The following RPA1 variants were observed in gnomAD, a reference collection of about 807,000 sequenced individuals.
RPA1 encodes the protein replication protein A1.
In RPA1, 49 loss-of-function variants were observed where a neutral mutation model predicts 83.0. The ratio of observed to expected loss-of-function variants is 0.59; its 90% CI spans 0.47 to 0.75. The LOEUF (loss-of-function observed/expected upper bound fraction) is 0.75, where lower values mean the gene tolerates loss of function less well. RPA1 is among the 30% of genes least tolerant of loss of function. The pLI is 0.00. For synonymous variants in RPA1, 279 were observed against 281.8 expected, an observed-to-expected ratio of 0.99 and a Z score of 0.10; for missense variants, 693 against 776.1, an observed-to-expected ratio of 0.89 and a Z score of 1.27.
chr17:1,875,876 A>C, intron 7 of RPA1, 83 bp downstream of exon 7: 2 of 1,383,298 alleles, frequency 1.4e-6, no homozygotes, highest in South Asian at 3.3e-5. Flanking sequence ...TTTATGCGTG[A>C]ACTTCAGGGT....
intron 15 of RPA1, among the ~76,000 whole-genome samples, chr17:1,894,317 C>T (rs1237200880): frequency 1.3e-5 from 2 of 152,072 alleles, no homozygotes; most frequent in Non-Finnish European, 2.9e-5. Flanking sequence ...CAGGCACCTG[C>T]CACTATGCCC....
At chr17:1,882,339 C>T (rs1318021922) in intron 12 of RPA1, among the ~76,000 whole-genome samples, 1 of 151,968 alleles carries the variant, frequency 6.6e-6, no homozygotes, top group Non-Finnish European at 1.5e-5. Context: ...AAGATAATGC[C>T]TTCTGATAAG....
chr17:1,835,879 T>C (rs529817557), intron 1 of RPA1, among the ~76,000 whole-genome samples: 1 of 152,118 alleles, frequency 6.6e-6, no homozygotes, highest in African/African-American at 2.4e-5. Context: ...TCTCAGCACT[T>C]GGGGAGGCTA....
intron 5 of RPA1, among the ~76,000 whole-genome samples, chr17:1,856,845 C>T (rs1422137671): frequency 6.6e-6 from 1 of 151,654 alleles, no homozygotes; most frequent in Non-Finnish European, 1.5e-5. Context: ...ATATATGTTT[C>T]CTTGTTATCC....
chr17:1,850,761 G>A (rs181731021), intron 4 of RPA1, among the ~76,000 whole-genome samples: 368 of 151,482 alleles, frequency 2.4e-3, no homozygotes, highest in Middle Eastern at 0.014. Context: ...GTGTGGTGGC[G>A]GGTGCCTGTA....
At chr17:1,872,706 GT>G (rs1913418959) in intron 6 of RPA1, among the ~76,000 whole-genome samples, 180 bp downstream of exon 6, 3 of 126,544 alleles carry the variant, frequency 2.4e-5, no homozygotes, top group Admixed American at 8.8e-5. Context: ...ATTAAAGATT[GT>G]CTTTTTTTTT....
chr17:1,868,622 T>C (rs1236215441), intron 5 of RPA1, among the ~76,000 whole-genome samples: 3 of 151,946 alleles, frequency 2.0e-5, no homozygotes, highest in Non-Finnish European at 4.4e-5. Flanking sequence ...AATAGAAAAA[T>C]TAGCCAGGCG....
intron 5 of RPA1, among the ~76,000 whole-genome samples, chr17:1,859,291 G>A (rs1270541313): frequency 6.6e-6 from 1 of 152,130 alleles, no homozygotes; most frequent in Non-Finnish European, 1.5e-5. Flanking sequence ...GTTGGGCAGA[G>A]TCTTACAAAT....
At position 1,877,278 on chromosome 17, in the gene RPA1, A is replaced by G. The variant is rs751641978; in HGVS notation, c.654A>G (p.Glu218=). The part of the protein sequence containing the change: ...QIRTWSNSRG[E]GKLFSLELVD... ...GTACCTGGAGCAACTCCCGAGGGGA[A>G]GGGAAGCTTTTCTCCCTAGAACTGG... Residue 218 remains glutamate, a synonymous_variant, in exon 8 of 17, where the codon GAA becomes GAG. Coordinates refer to ENST00000254719, the MANE Select transcript of RPA1 (RefSeq NM_002945.5). 2 of 1,614,154 alleles carry G rather than the reference A, an allele frequency of 1.2e-6. No individual in the cohort carries two copies. Among genetic ancestry groups the G allele is most frequent in the South Asian group, 2.2e-5 (2 of 91,082 alleles).
intron 2 of RPA1, among the ~76,000 whole-genome samples, chr17:1,843,701 T>C (rs1314325849): frequency 6.6e-6 from 1 of 151,464 alleles, no homozygotes; most frequent in East Asian, 1.9e-4. Context: ...AGGCAGCTCG[T>C]TTTACTTCCC....
At chr17:1,863,252 C>T (rs1330573441) in intron 5 of RPA1, among the ~76,000 whole-genome samples, 3 of 148,966 alleles carry the variant, frequency 2.0e-5, no homozygotes, top group Non-Finnish European at 4.5e-5. Context: ...CACTCTGTCA[C>T]CCAGGCTGGA....
Position 1,879,346 on chromosome 17 carries a change from G to T in RPA1, c.891G>T (p.Thr297=). 1 of 1,614,130 alleles carries T rather than the reference G, an allele frequency of 6.2e-7. No homozygotes were observed. The highest frequency in any genetic ancestry group is 2.2e-5 in the East Asian group (1 of 44,872). Residue 297 remains threonine, a synonymous_variant, in exon 10 of 17, where the codon ACG becomes ACT. Coordinates refer to ENST00000254719, the MANE Select transcript of RPA1 (RefSeq NM_002945.5). The stretch of plus-strand genomic sequence containing the variant: ...GTGAGGACGACCATCATTTACCTAC[G>T]GTTCAGTTTGATTTCACGGGGATTG... ...MPCEDDHHLP[T]VQFDFTGIDD... is the part of the protein sequence containing the mutation.
intron 5 of RPA1, among the ~76,000 whole-genome samples, chr17:1,870,865 G>A (rs1360241070): frequency 6.6e-6 from 1 of 152,214 alleles, no homozygotes; most frequent in Non-Finnish European, 1.5e-5. Context: ...CGGAGGGAGT[G>A]TAGCAGGGGC....
chr17:1,859,481 A>G (rs1018245108), intron 5 of RPA1, among the ~76,000 whole-genome samples: 1 of 152,202 alleles, frequency 6.6e-6, no homozygotes, highest in African/African-American at 2.4e-5. Flanking sequence ...TCAAAGCTGT[A>G]TTATTAAATA....
intron 5 of RPA1, among the ~76,000 whole-genome samples, chr17:1,853,987 A>G (rs1214587017): frequency 6.6e-6 from 1 of 152,222 alleles, no homozygotes; most frequent in Non-Finnish European, 1.5e-5. Context: ...GGCGTTTAGT[A>G]AGTATTTGTT....
intron 1 of RPA1, among the ~76,000 whole-genome samples, chr17:1,841,677 G>T (rs1912051910): frequency 6.6e-6 from 1 of 152,120 alleles, no homozygotes; most frequent in African/African-American, 2.4e-5. Context: ...ATTGAATAAA[G>T]GTGTTAAGAG....
rs747138445 is a variant in RPA1 at position 1,888,670 on chromosome 17, C to G, written c.1375-5C>G. 6.2e-7 allele frequency: 1 copy of G among 1,607,002 alleles called. No homozygotes were observed. Among genetic ancestry groups the G allele is most frequent in the Admixed American group, 1.7e-5 (1 of 59,804 alleles). On this transcript the variant is annotated splice_region_variant and splice_polypyrimidine_tract_variant and intron_variant, in intron 13 of 16. Coordinates refer to ENST00000254719, the MANE Select transcript of RPA1 (RefSeq NM_002945.5). ...CGTGCCTCATGCTGTTCTTTTCTCC[C>G]GAAGCCGGACTACTTTAGTTCTGTG...
rs1325469305 is a variant in RPA1, at chr17:1,844,629, C to T, written c.215C>T (p.Ser72Phe). 2 of 1,613,652 alleles carry T rather than the reference C, an allele frequency of 1.2e-6. No homozygotes were observed. Among genetic ancestry groups the T allele is most frequent in the East Asian group, 2.2e-5 (1 of 44,896 alleles). Residue 72 changes from serine (S) to phenylalanine (F), a missense_variant, in exon 4 of 17, where the codon TCC becomes TTC. Transcript: ENST00000254719. ...CCTCTCGTGGAGGAAGAACAATTGT[C>T]CAGCAACTGTGTATGCCAGATTCAC... is the stretch of plus-strand genomic sequence containing the variant. ...LNPLVEEEQL[S>F]SNCVCQIHRF...
intron 2 of RPA1, 99 bp from the exon 3 acceptor site, chr17:1,843,821 G>A: frequency 1.2e-6 from 1 of 865,214 alleles, no homozygotes; most frequent in Non-Finnish European, 1.9e-6. Flanking sequence ...AACAGTTTGT[G>A]TTGAACTAAT....
Sources: gnomAD v4.1 joint callset for allele counts (sites outside exome capture counted in the v4.1 genomes callset) on GRCh38, gnomAD v4.1.1 for gene constraint, MANE v1.5 for transcripts, NCBI Gene and HGNC (gene_info 2026-07-23, HGNC 2026-07-21) for gene names.